DNAH6: variants seen among roughly 807,000 people sequenced by gnomAD.
The protein encoded by DNAH6 is dynein axonemal heavy chain 6, also known as axonemal beta dynein heavy chain 6.
Under a neutral mutation model 491.4 loss-of-function variants are expected in DNAH6, and 340 were observed. That is an observed-to-expected ratio of 0.69 (90% confidence interval 0.63 to 0.76). The LOEUF is 0.76. Ranked by LOEUF, DNAH6 falls within the 30% of genes least tolerant of loss-of-function variation. The probability of loss-of-function intolerance (pLI) is 0.00; values close to 1 mark genes in which losing one functional copy is unlikely to be tolerated. For missense variants in DNAH6, 4,443 were observed against 4,972.2 expected (o/e 0.89, Z 3.20); for synonymous variants, 1,603 against 1,686.1 (o/e 0.95, Z 1.21).
At position 84,816,226 on chromosome 2, in the gene DNAH6, T is replaced by A. The variant is rs140489894; in HGVS notation, c.12373+143T>A. The A allele has an allele frequency of 8.2e-3, 4,903 of 597,592 alleles. 38 individuals are homozygous for A. Among genetic ancestry groups the A allele is most frequent in the South Asian group, 0.011 (450 of 41,988 alleles). The allele number at this position is 597,592 out of a possible 1,614,324, so 37.0% of individuals were successfully genotyped here. A position where few individuals can be genotyped will look rare whatever the true frequency, so the allele number is the denominator to read the frequency against. On this transcript the variant is annotated intron_variant, in intron 76 of 76. Transcript: ENST00000389394. ...ATGAAGCCACCTATAACATACAAAA[T>A]TCGTAAATGTAATTATAAATTCTAT...
At chr2:84,707,076 A>G (rs1366601671) in intron 53 of DNAH6, 57 bp downstream of exon 53, 14 of 1,476,932 alleles carry the variant, frequency 9.5e-6, no homozygotes, top group Non-Finnish European at 1.2e-5. Context: ...CAGAAGTAGG[A>G]AGAAGTTTTT....
At chr2:84,640,258 T>C (rs978888418) in intron 31 of DNAH6, among the ~76,000 whole-genome samples, 172 bp from the exon 32 acceptor site, 6 of 152,200 alleles carry the variant, frequency 3.9e-5, no homozygotes, top group Non-Finnish European at 7.4e-5. Flanking sequence ...TGCCTTCCCG[T>C]TTCCTGTGGC....
Position 84,653,811 on chromosome 2 carries a change from G to C in DNAH6, c.5571G>C (p.Lys1857Asn), listed in dbSNP as rs1408344697. The part of the protein sequence containing the change: ...ENMNTVLDDN[K>N]MLCLANSERI... ...TGAATACAGTGCTGGATGATAACAA[G>C]ATGCTTTGCCTGGCTAACAGTGAGA... is the stretch of plus-strand genomic sequence containing the variant. The change falls in exon 34 of 77, where the codon AAG becomes AAC. Residue 1857 changes from lysine (K) to asparagine (N), a missense_variant. Transcript: ENST00000389394. The C allele has an allele frequency of 6.4e-7, 1 of 1,551,474 alleles. No individual in the cohort carries two copies. The highest frequency in any genetic ancestry group is 2.4e-5 in the East Asian group (1 of 40,918).
intron 75 of DNAH6, among the ~76,000 whole-genome samples, chr2:84,814,436 G>T (rs866210567): frequency 1.4e-4 from 21 of 152,186 alleles, no homozygotes; most frequent in South Asian, 4.1e-4. Context: ...AACGAGAGAA[G>T]CCTGAGTTTG....
At chr2:84,499,468 CATCTTAT>C in the DNAH6 span, among the ~76,000 whole-genome samples, 1 of 152,172 alleles carries the variant, frequency 6.6e-6, no homozygotes, top group Non-Finnish European at 1.5e-5. Context: ...GTTGCTTCCA[CATCTTAT>C]CTATTGTAAA....
At chr2:84,507,558 T>A in the DNAH6 span, among the ~76,000 whole-genome samples, 3 of 152,154 alleles carry the variant, frequency 2.0e-5, no homozygotes, top group Non-Finnish European at 4.4e-5. Context: ...TACCCTTTAT[T>A]TCTTTCTCCT....
At chr2:84,566,191 A>G (rs1451534560) in intron 11 of DNAH6, among the ~76,000 whole-genome samples, 1 of 152,010 alleles carries the variant, frequency 6.6e-6, no homozygotes, top group East Asian at 1.9e-4. Context: ...CAATATCCAC[A>G]GAAGATATAG....
rs116551204 is a variant in DNAH6, at chr2:84,716,836, A to C, written c.9611+1209A>C. ...TATTTCTCCTAGATTGATGGCATTG[A>C]AAAGGGAAGCTAACAGCCCTTAGCC... is the stretch of plus-strand genomic sequence containing the variant. On this transcript the variant is annotated intron_variant, in intron 58 of 76. Transcript: ENST00000389394. Among the ~76,000 whole-genome samples, 491 of 152,290 alleles carry C rather than the reference A, an allele frequency of 3.2e-3. 4 individuals carry two copies. Among genetic ancestry groups the C allele is most frequent in the African/African-American group, 0.011 (467 of 41,562 alleles).
At chr2:84,594,198 AAATATGC>A in intron 17 of DNAH6, 113 bp downstream of exon 17, 1 of 652,980 alleles carries the variant, frequency 1.5e-6, no homozygotes. Context: ...AATGTCAGTA[AAATATGC>A]AATGGTATCA....
intron 4 of DNAH6, among the ~76,000 whole-genome samples, chr2:84,532,582 A>G (rs1352559489): frequency 6.6e-6 from 1 of 152,188 alleles, no homozygotes; most frequent in Non-Finnish European, 1.5e-5. Flanking sequence ...TCACTACCCA[A>G]CAAATGTGGT....
chr2:84,675,632 A>G (rs1410140207), intron 40 of DNAH6, among the ~76,000 whole-genome samples: 1 of 152,098 alleles, frequency 6.6e-6, no homozygotes, highest in Non-Finnish European at 1.5e-5. Context: ...TTTCCTTCAA[A>G]AAACTTACTG....
In DNAH6 at chr2:84,525,634, A is replaced by G. The variant is rs936550890; in HGVS notation, c.295A>G (p.Met99Val). ...YIHEQNRFQL[M>V]TAGIIKRPVS... The stretch of plus-strand genomic sequence containing the variant: ...ACATGAACAGAACCGATTTCAGTTA[A>G]TGACTGCAGGAATCATTAAACGTCC... The change falls in exon 3 of 77, where the codon ATG (methionine) becomes GTG (valine). Residue 99 changes from methionine (M) to valine (V), a missense_variant. Around this residue, in one of 3 missense-constraint regions of DNAH6, gnomAD observed 2,977 missense variants for 3,296.6 expected, o/e 0.90. Coordinates refer to ENST00000389394, the MANE Select transcript of DNAH6 (RefSeq NM_001370.2). 6.4e-7 allele frequency: 1 copy of G among 1,550,704 alleles called. No individual in the cohort carries two copies. Among genetic ancestry groups the G allele is most frequent in the Admixed American group, 2.0e-5 (1 of 50,912 alleles).
chr2:84,622,362 C>T (rs1687477468), intron 26 of DNAH6, among the ~76,000 whole-genome samples: 2 of 152,038 alleles, frequency 1.3e-5, no homozygotes, highest in South Asian at 4.2e-4. Context: ...CAGGATCTCA[C>T]TCTGTTGCCC....
chr2:84,697,179 A>T (rs979224370), intron 46 of DNAH6, among the ~76,000 whole-genome samples: 17 of 152,220 alleles, frequency 1.1e-4, no homozygotes, highest in African/African-American at 4.1e-4. Flanking sequence ...TATAATGTAA[A>T]CAAGACTGTA....
At chr2:84,703,686 G>T in intron 50 of DNAH6, 124 bp downstream of exon 50, 1 of 906,114 alleles carries the variant, frequency 1.1e-6, no homozygotes, top group Non-Finnish European at 1.5e-6. Flanking sequence ...GATAGATTTA[G>T]CAAAGTTTTT....
In DNAH6 at chr2:84,726,787, AT is replaced by A. The variant is rs967343671; in HGVS notation, c.9973-881del. ...TTAAAGTATAATAATAATAAAAAAA[AT>A]AAAATAAAAAATAAATTTTTTGATC... is the stretch of plus-strand genomic sequence containing the variant. On this transcript the variant is annotated intron_variant, in intron 60 of 76. Transcript: ENST00000389394. Among the ~76,000 whole-genome samples the A allele has an allele frequency of 6.6e-4, 93 of 141,104 alleles. No homozygotes were observed. In the East Asian group the frequency reaches 0.014, roughly 21 times the overall value. The allele number at this position is 141,104 out of a possible 152,430, so 92.6% of individuals were successfully genotyped here. A position where few individuals can be genotyped will look rare whatever the true frequency, so the allele number is the denominator to read the frequency against.
In DNAH6 at chr2:84,805,768, T is replaced by G; in HGVS notation, c.11585T>G (p.Val3862Gly). 6.4e-7 allele frequency: 1 copy of G among 1,551,568 alleles called. No homozygotes were observed. Among genetic ancestry groups the G allele is most frequent in the Non-Finnish European group, 8.7e-7 (1 of 1,146,904 alleles). ...KSNDEIVQEL[V>G]ASVQTRVPEK... ...AATGACGAAATTGTTCAAGAACTTGTTGCTTCTGTCCAGACCAGAGTTCCA... is the reference window on the plus strand; with the variant it reads ...AATGACGAAATTGTTCAAGAACTTGGTGCTTCTGTCCAGACCAGAGTTCCA... Residue 3862 changes from valine (V) to glycine (G), a missense_variant, in exon 71 of 77, where the codon GTT (valine) becomes GGT (glycine). By Grantham distance (109) the Val-to-Gly change is moderately radical (BLOSUM62 -3). This residue lies in a region of DNAH6 where 1,463 missense variants were observed against 1,656.6 expected (regional missense o/e 0.88). Coordinates refer to ENST00000389394, the MANE Select transcript of DNAH6 (RefSeq NM_001370.2).
chr2:84,817,153 T>TGTG (rs1461425455), intron 76 of DNAH6, among the ~76,000 whole-genome samples: 4 of 151,036 alleles, frequency 2.6e-5, no homozygotes, highest in African/African-American at 9.7e-5. Flanking sequence ...GAAACCTAGA[T>TGTG]ATACCAAAGT....
rs145156833 is a variant in DNAH6 at position 84,548,807 on chromosome 2, C to G, written c.1316+390C>G. On this transcript the variant is annotated intron_variant, in intron 8 of 76. Coordinates refer to ENST00000389394, the MANE Select transcript of DNAH6 (RefSeq NM_001370.2). The stretch of plus-strand genomic sequence containing the variant: ...CAGAGCATGAGGCCAAGGCCAAGAG[C>G]TCCTCTTTGATCTCTCTGGCTTTGT... Among the ~76,000 whole-genome samples, 387 of 152,302 alleles carry G rather than the reference C, an allele frequency of 2.5e-3. 6 individuals carry two copies. Among genetic ancestry groups the G allele is most frequent in the Admixed American group, 0.021 (321 of 15,294 alleles).
Sources: gnomAD v4.1 joint callset for allele counts (sites outside exome capture counted in the v4.1 genomes callset) on GRCh38, gnomAD v4.1.1 for gene constraint, gnomAD v4.1.1 regional missense constraint, MANE v1.5 for transcripts, NCBI Gene and HGNC (gene_info 2026-07-23, HGNC 2026-07-21) for gene names.